FANCB: variants seen among roughly 807,000 people sequenced by gnomAD.
FANCB encodes the protein Fanconi anemia group B protein.
FANCB carries 5 observed loss-of-function variants against 38.9 expected under a neutral mutation model. The observed-to-expected ratio is 0.13, with a 90% CI of 0.07 to 0.27. The LOEUF is 0.27. FANCB is among the 10% of genes least tolerant of loss of function. The pLI, the probability that FANCB is intolerant of heterozygous loss-of-function variation, is 1.00. For synonymous variants in FANCB, 236 were observed against 215.4 expected (o/e 1.10, Z -0.84); for missense variants, 573 against 602.7 (o/e 0.95, Z 0.52).
the FANCB span, among the ~76,000 whole-genome samples, chrX:14,808,378 A>G: frequency 8.9e-6 from 1 of 111,976 alleles, no homozygotes; most frequent in African/African-American, 3.3e-5. Flanking sequence ...ACCAAGTGGG[A>G]TTTATCTCTG....
At chrX:14,796,494 T>TATATATAACATATATA in the FANCB span, among the ~76,000 whole-genome samples, 1 of 100,504 alleles carries the variant, frequency 9.9e-6, no homozygotes, top group Admixed American at 1.2e-4. Context: ...ACATATATTA[T>TATATATAACATATATA]ATATATAACA....
chrX:14,775,767 G>A, the FANCB span, among the ~76,000 whole-genome samples: 1 of 112,324 alleles, frequency 8.9e-6, no homozygotes, highest in East Asian at 2.8e-4. Context: ...GCTATTTTGA[G>A]TACAGCATCG....
chrX:14,786,592 C>T, the FANCB span, among the ~76,000 whole-genome samples: 1 of 111,180 alleles, frequency 9.0e-6, no homozygotes, highest in East Asian at 2.8e-4. Flanking sequence ...TGTCTCTTGG[C>T]CTGCATGACA....
the FANCB span, among the ~76,000 whole-genome samples, chrX:14,692,038 T>G: frequency 5.4e-5 from 6 of 111,941 alleles, no homozygotes; most frequent in Non-Finnish European, 1.1e-4. Flanking sequence ...TTGTGAGACA[T>G]TGCTTATATT....
At chrX:14,776,251 C>A in the FANCB span, among the ~76,000 whole-genome samples, 1 of 111,531 alleles carries the variant, frequency 9.0e-6, no homozygotes, top group Non-Finnish European at 1.9e-5. Flanking sequence ...CTTTTTGTTT[C>A]ATCAGCAATG....
At chrX:14,720,332 T>C in the FANCB span, among the ~76,000 whole-genome samples, 14 of 111,674 alleles carry the variant, frequency 1.3e-4, no homozygotes, top group African/African-American at 4.2e-4. Context: ...TTAAAATATA[T>C]TTAAAAATTT....
the FANCB span, among the ~76,000 whole-genome samples, chrX:14,727,650 CACTT>C: frequency 1.8e-5 from 2 of 112,269 alleles, no homozygotes; most frequent in Non-Finnish European, 3.8e-5. Flanking sequence ...TGAAAGGCTT[CACTT>C]ATTTAAAACT....
chrX:14,759,310 G>A, the FANCB span, among the ~76,000 whole-genome samples: 3 of 111,745 alleles, frequency 2.7e-5, no homozygotes, highest in African/African-American at 9.7e-5. Flanking sequence ...GGGAATAATC[G>A]AGGAAAACTT....
At chrX:14,721,232 G>T in the FANCB span, among the ~76,000 whole-genome samples, 1 of 110,809 alleles carries the variant, frequency 9.0e-6, no homozygotes, top group African/African-American at 3.3e-5. Context: ...GTTTTAGTTA[G>T]GAGGATTACG....
At chrX:14,753,702 G>C in the FANCB span, among the ~76,000 whole-genome samples, 2 of 111,130 alleles carry the variant, frequency 1.8e-5, no homozygotes, top group Non-Finnish European at 3.8e-5. Context: ...CTCAGGAAGA[G>C]AGTAAGCCCC....
the FANCB span, among the ~76,000 whole-genome samples, chrX:14,791,813 A>G: frequency 8.9e-6 from 1 of 112,187 alleles, no homozygotes; most frequent in African/African-American, 3.2e-5. Context: ...ATTATATTTG[A>G]AGCAATGATA....
chrX:14,723,157 T>C, the FANCB span, among the ~76,000 whole-genome samples: 2 of 112,071 alleles, frequency 1.8e-5, no homozygotes, highest in African/African-American at 6.5e-5. Context: ...ACCTACCCCA[T>C]GTATCTATTC....
At chrX:14,695,002 C>T in the FANCB span, among the ~76,000 whole-genome samples, 2 of 111,531 alleles carry the variant, frequency 1.8e-5, no homozygotes. Context: ...GTTCAGATGC[C>T]CATGAGACAT....
At chrX:14,805,915 C>T in the FANCB span, among the ~76,000 whole-genome samples, 1 of 112,227 alleles carries the variant, frequency 8.9e-6, no homozygotes, top group African/African-American at 3.2e-5. Flanking sequence ...CCTTCTTATC[C>T]TTCTCGAATG....
chrX:14,821,674 C>A, the FANCB span, among the ~76,000 whole-genome samples: 1 of 111,363 alleles, frequency 9.0e-6, no homozygotes, highest in Admixed American at 9.5e-5. Context: ...CTTTTCTTAT[C>A]ATCTGGGGAG....
chrX:14,853,109 A>T lies in FANCB; in HGVS notation c.1256T>A (p.Ile419Asn). ...TATTAAAGCTTTGTAAGATTTTGAAATAATTTTTTCCTTAAGCAACAGATG... is the reference window on the plus strand; with the variant it reads ...TATTAAAGCTTTGTAAGATTTTGAATTAATTTTTTCCTTAAGCAACAGATG... ...RQHLLLKEKI[I>N]SKSYKALINL... The change falls in exon 6 of 10, where the codon ATT becomes AAT. Residue 419 changes from isoleucine to asparagine, a missense_variant. Ile to Asn is a moderately radical substitution (Grantham distance 149). Transcript: ENST00000650831. The T allele has an allele frequency of 8.3e-7, 1 of 1,204,578 alleles. No individual in the cohort carries two copies. Among genetic ancestry groups the T allele is most frequent in the African/African-American group, 1.7e-5 (1 of 57,724 alleles).
At chrX:14,830,326 G>A in the FANCB span, among the ~76,000 whole-genome samples, 1 of 111,561 alleles carries the variant, frequency 9.0e-6, no homozygotes, top group Admixed American at 9.5e-5. Context: ...CACAACATGA[G>A]CACCTTATGT....
the FANCB span, among the ~76,000 whole-genome samples, chrX:14,796,597 T>C: frequency 2.0e-5 from 2 of 98,559 alleles, no homozygotes; most frequent in Non-Finnish European, 4.0e-5. Flanking sequence ...ACATATTATA[T>C]ATTATATATG....
chrX:14,769,298 T>C, the FANCB span, among the ~76,000 whole-genome samples: 3 of 111,631 alleles, frequency 2.7e-5, no homozygotes, highest in South Asian at 1.1e-3. Flanking sequence ...GTCCTGGGCT[T>C]TTTTTGCTTG....
Sources: allele counts gnomAD v4.1 joint callset (sites outside exome capture counted in the v4.1 genomes callset), GRCh38; gene constraint gnomAD v4.1.1; transcripts MANE v1.5; gene names NCBI Gene and HGNC (gene_info 2026-07-23, HGNC 2026-07-21).